TEX36: variants seen among roughly 807,000 people sequenced by gnomAD.
TEX36 encodes testis-expressed protein 36.
A neutral mutation model predicts 13.6 loss-of-function variants in TEX36; 12 were observed. The observed-to-expected ratio is 0.88, with a 90% CI of 0.56 to 1.43. TEX36 has a LOEUF of 1.43. TEX36 is among the 40% of genes most tolerant of loss of function. TEX36 has a pLI of 0.00. For synonymous variants in TEX36, 93 were observed against 83.0 expected (o/e 1.12, Z -0.65); for missense variants, 224 against 228.3 (o/e 0.98, Z 0.12).
chr10:125,591,768 A>G (rs898768915), intron 3 of TEX36, among the ~76,000 whole-genome samples: 1 of 152,218 alleles, frequency 6.6e-6, no homozygotes, highest in Non-Finnish European at 1.5e-5. Flanking sequence ...AGGATCAATT[A>G]GCAGATGCGT....
intron 1 of TEX36, among the ~76,000 whole-genome samples, chr10:125,682,420 G>A (rs763101185): frequency 7.9e-5 from 12 of 152,154 alleles, no homozygotes; most frequent in Admixed American, 6.5e-5. Context: ...TAGGCCGGAG[G>A]GGCTAAAGGA....
At chr10:125,629,205 A>T (rs946055684) in intron 3 of TEX36, among the ~76,000 whole-genome samples, 9 of 152,214 alleles carry the variant, frequency 5.9e-5, no homozygotes, top group African/African-American at 2.2e-4. Context: ...CTCACAAAAA[A>T]AGGACTGACT....
At chr10:125,608,988 A>AAAAG (rs1846253598) in intron 3 of TEX36, among the ~76,000 whole-genome samples, 2 of 134,412 alleles carry the variant, frequency 1.5e-5, no homozygotes, top group African/African-American at 3.2e-5. Context: ...AAAAAAAAAA[A>AAAAG]AAAGAAAGAA....
At position 125,590,072 on chromosome 10, in the gene TEX36, G is replaced by C. The variant is rs539211909; in HGVS notation, c.265-13198C>G. ...CACTTATTAACATTACACGACCTTG[G>C]ACAAGTCTGTTAATGTCTCTCAGCC... On this transcript the variant is annotated intron_variant, in intron 3 of 3. Transcript: ENST00000532135. 6.4e-4 allele frequency among the ~76,000 whole-genome samples: 98 copies of C among 152,166 alleles called. 1 individual carries two copies. Among genetic ancestry groups the C allele is most frequent in the Non-Finnish European group, 7.8e-4 (53 of 68,014 alleles).
chr10:125,664,258 G>C (rs905041984), intron 1 of TEX36, among the ~76,000 whole-genome samples: 3 of 152,168 alleles, frequency 2.0e-5, no homozygotes, highest in Non-Finnish European at 4.4e-5. Context: ...CACTTAGGTT[G>C]CTTCCAAATC....
chr10:125,622,862 T>G (rs1469169484), intron 3 of TEX36, among the ~76,000 whole-genome samples: 2 of 152,128 alleles, frequency 1.3e-5, no homozygotes, highest in Non-Finnish European at 2.9e-5. Context: ...GAGCCCAGAG[T>G]GGCCAGGTGG....
chr10:125,636,589 G>A (rs1278098386), intron 3 of TEX36, among the ~76,000 whole-genome samples: 1 of 152,088 alleles, frequency 6.6e-6, no homozygotes, highest in Non-Finnish European at 1.5e-5. Context: ...CTTCATAAAA[G>A]TTCCAAATGA....
chr10:125,576,667 A>T, exon 4 of TEX36: 2 of 1,492,010 alleles, frequency 1.3e-6, no homozygotes, highest in Non-Finnish European at 1.8e-6. Flanking sequence ...CTAAGACAAA[A>T]GGTCCTTTTC....
At chr10:125,612,535 A>T (rs1474935624) in intron 3 of TEX36, among the ~76,000 whole-genome samples, 2 of 152,134 alleles carry the variant, frequency 1.3e-5, no homozygotes, top group East Asian at 3.8e-4. Flanking sequence ...ATATATACAC[A>T]CATTACTATG....
intron 3 of TEX36, among the ~76,000 whole-genome samples, chr10:125,608,462 A>G (rs1034219501): frequency 6.7e-6 from 1 of 149,896 alleles, no homozygotes; most frequent in South Asian, 2.1e-4. Flanking sequence ...TGGGTTGGGA[A>G]TCTGACATGG....
downstream of TEX36, among the ~76,000 whole-genome samples, chr10:125,655,150 G>C (rs759898582): frequency 2.6e-5 from 4 of 152,076 alleles, no homozygotes; most frequent in Non-Finnish European, 5.9e-5. Flanking sequence ...AGTATCAAAA[G>C]AAAGCTGTAG....
At chr10:125,668,020 T>A (rs1847152577) in intron 1 of TEX36, 1 of 693,766 alleles carries the variant, frequency 1.4e-6, no homozygotes, top group Admixed American at 2.3e-5. Context: ...CGGAGGCCCT[T>A]GGTTGTCAAC....
rs150205618 is a variant in TEX36, at chr10:125,640,417, G to A, written c.265-18772C>T. Among the ~76,000 whole-genome samples, 180 of 152,288 alleles carry A rather than the reference G, an allele frequency of 1.2e-3. No homozygotes were observed. The East Asian group carries it at 0.023, about 19-fold the overall frequency. ...CAATTTCATAGAGCCGTAGTCAAGC[G>A]CGTGAGTTACAATTTTATTCATTCC... On this transcript the variant is annotated intron_variant, in intron 3 of 3. Coordinates refer to the TEX36 transcript ENST00000526819.
In TEX36 at chr10:125,672,529, C is replaced by T. The variant is rs184984456; in HGVS notation, c.51+10410G>A. 1.3e-3 allele frequency among the ~76,000 whole-genome samples: 202 copies of T among 152,182 alleles called. 2 individuals are homozygous for T. Among genetic ancestry groups the T allele is most frequent in the Admixed American group, 2.6e-3 (39 of 15,276 alleles). ...ATTATTTCACTTCTTTTGCATTTGC[C>T]GAGGAGTGTTTTACTTCCCATCATG... On this transcript the variant is annotated intron_variant, in intron 1 of 3. Coordinates refer to ENST00000368821, the MANE Select transcript of TEX36 (RefSeq NM_001128202.3).
Position 125,661,318 on chromosome 10 carries a change from C to T in TEX36, c.184-217G>A, listed in dbSNP as rs1162112646. 1.3e-5 allele frequency among the ~76,000 whole-genome samples: 2 copies of T among 152,180 alleles called. 1 individual carries two copies. The highest frequency in any genetic ancestry group is 2.9e-5 in the Non-Finnish European group (2 of 68,032). ...GAAACCCCACCTTATTTCCAGCTTC[C>T]CCAAAGTCATAAAAATTATCTTTCA... On this transcript the variant is annotated intron_variant, in intron 2 of 3. Transcript: ENST00000368821.
At chr10:125,650,496 C>T (rs571195485) in intron 3 of TEX36, among the ~76,000 whole-genome samples, 363 of 152,274 alleles carry the variant, frequency 2.4e-3, no homozygotes, top group African/African-American at 8.3e-3. Flanking sequence ...CCATTTAAAG[C>T]AGTGTGTAGA....
chr10:125,604,370 T>C (rs891076335), intron 3 of TEX36, among the ~76,000 whole-genome samples: 1 of 152,260 alleles, frequency 6.6e-6, no homozygotes, highest in East Asian at 1.9e-4. Flanking sequence ...AGGGACTAAT[T>C]TGCACGCTCC....
chr10:125,636,790 C>T (rs370983020), intron 3 of TEX36, among the ~76,000 whole-genome samples: 7 of 152,214 alleles, frequency 4.6e-5, no homozygotes, highest in Middle Eastern at 3.4e-3. Context: ...GAACACTCAG[C>T]GTGAGATGCG....
chr10:125,653,225 T>C (rs1846889947), downstream of TEX36, among the ~76,000 whole-genome samples: 1 of 152,092 alleles, frequency 6.6e-6, no homozygotes, highest in Non-Finnish European at 1.5e-5. Context: ...TAGCAAAGAC[T>C]TGGAACCAAC....
Sources: gnomAD v4.1 joint callset for allele counts (sites outside exome capture counted in the v4.1 genomes callset) on GRCh38, gnomAD v4.1.1 for gene constraint, MANE v1.5 for transcripts, NCBI Gene and HGNC (gene_info 2026-07-23, HGNC 2026-07-21) for gene names.